The following PCDHA7 variants were observed in gnomAD, a reference collection of about 807,000 sequenced individuals.
The protein encoded by PCDHA7 is protocadherin alpha-7.
In PCDHA7, 37 loss-of-function variants were observed where a neutral mutation model predicts 57.2. The observed-to-expected ratio is 0.65, with a 90% CI of 0.50 to 0.85. The LOEUF (loss-of-function observed/expected upper bound fraction) is 0.85. PCDHA7 is among the 40% of genes least tolerant of loss of function. The pLI is 0.00. For synonymous variants in PCDHA7, 553 were observed against 558.8 expected, an observed-to-expected ratio of 0.99 and a Z score of 0.15; for missense variants, 1,188 against 1,241.8, an observed-to-expected ratio of 0.96 and a Z score of 0.65.
intron 1 of PCDHA7, among the ~76,000 whole-genome samples, chr5:140,971,388 C>A (rs1554233283): frequency 6.6e-6 from 1 of 152,132 alleles, no homozygotes; most frequent in Non-Finnish European, 1.5e-5. Flanking sequence ...TTAATAAAGG[C>A]AAATTTCTGC....
rs782531082 is a variant in PCDHA7 at position 140,877,160 on chromosome 5, C to T, written c.2355+40422C>T. The T allele has an allele frequency of 4.0e-5, 64 of 1,613,696 alleles. 1 individual carries two copies. In the Admixed American group the frequency reaches 1.0e-3, roughly 26 times the overall value. The stretch of plus-strand genomic sequence containing the variant: ...GTGCTGGACGAGAACGACAACGCGC[C>T]GGCACTGCTGGCGACTCCGGCTGGC... On this transcript the variant is annotated intron_variant, in intron 1 of 3. Transcript: ENST00000525929.
chr5:140,983,363 C>A (rs574253600), intron 3 of PCDHA7, among the ~76,000 whole-genome samples: 33 of 152,290 alleles, frequency 2.2e-4, no homozygotes, highest in African/African-American at 7.9e-4. Context: ...AGAAATATGG[C>A]TTTGGAGGCC....
intron 1 of PCDHA7, chr5:140,861,768 T>TATCA (rs1554155221): frequency 1.3e-5 from 2 of 158,832 alleles, no homozygotes; most frequent in African/African-American, 4.8e-5. Context: ...TCCCTGGAAA[T>TATCA]ACCAAGAGCA....
chr5:140,862,341 T>G, intron 1 of PCDHA7: 1 of 331,140 alleles, frequency 3.0e-6, no homozygotes, highest in Non-Finnish European at 6.0e-6. Flanking sequence ...GACCCTAACT[T>G]CAGTGCCAAG....
intron 1 of PCDHA7, chr5:140,850,585 A>G (rs1253890726): frequency 6.3e-7 from 1 of 1,598,426 alleles, no homozygotes. Flanking sequence ...GTGGATGTCA[A>G]CGTGTACCTG....
intron 1 of PCDHA7, among the ~76,000 whole-genome samples, chr5:140,922,964 GTGGCA>G (rs1293947003): frequency 6.6e-6 from 1 of 152,186 alleles, no homozygotes; most frequent in East Asian, 1.9e-4. Context: ...TCTTCAGCCA[GTGGCA>G]TATCTCAGAC....
chr5:140,996,135 C>T (rs2097713564), intron 3 of PCDHA7, among the ~76,000 whole-genome samples: 1 of 152,140 alleles, frequency 6.6e-6, no homozygotes, highest in Non-Finnish European at 1.5e-5. Flanking sequence ...AGAGGGTTCT[C>T]CCATTATCTT....
intron 1 of PCDHA7, among the ~76,000 whole-genome samples, chr5:140,949,539 A>G (rs971813092): frequency 6.6e-6 from 1 of 151,744 alleles, no homozygotes; most frequent in Admixed American, 6.6e-5. Context: ...TAAAATATCG[A>G]TTTGTTGCTG....
At chr5:140,967,844 G>A in intron 1 of PCDHA7, 1 of 1,614,178 alleles carries the variant, frequency 6.2e-7, no homozygotes, top group Non-Finnish European at 8.5e-7. Flanking sequence ...GGACGTGAAT[G>A]ACAATGCCCC....
intron 1 of PCDHA7, chr5:140,856,089 T>C: frequency 6.3e-7 from 1 of 1,596,782 alleles, no homozygotes; most frequent in Non-Finnish European, 8.6e-7. Flanking sequence ...CAGTGTCTGC[T>C]GCTCTCGCTT....
At chr5:140,876,637 C>G (rs1554168755) in intron 1 of PCDHA7, 1 of 1,614,088 alleles carries the variant, frequency 6.2e-7, no homozygotes, top group Non-Finnish European at 8.5e-7. Flanking sequence ...CATCTGCTCA[C>G]TGACACCTCA....
At chr5:140,878,516 G>A (rs2057626740) in intron 1 of PCDHA7, among the ~76,000 whole-genome samples, 1 of 152,122 alleles carries the variant, frequency 6.6e-6, no homozygotes. Context: ...CAGTACAGTT[G>A]GTAACCAACT....
intron 1 of PCDHA7, chr5:140,929,247 T>G (rs2085977234): frequency 1.9e-6 from 3 of 1,613,780 alleles, no homozygotes. Flanking sequence ...ATCTTGCCAC[T>G]GGGGTAGGAC....
At position 140,949,239 on chromosome 5, in the gene PCDHA7, C is replaced by T. The variant is rs563720988; in HGVS notation, c.2356-29710C>T. 4.0e-5 allele frequency among the ~76,000 whole-genome samples: 6 copies of T among 151,886 alleles called. No individual in the cohort carries two copies. The East Asian group carries it at 1.2e-3, about 29-fold the overall frequency. On this transcript the variant is annotated intron_variant, in intron 1 of 3. Transcript: ENST00000525929. ...TTAGACTTGTTCTGTGGCCCAGCAA[C>T]AGTCTATCTTGATGAACATATCACG...
At chr5:140,842,787 T>C (rs1554139371) in intron 1 of PCDHA7, 1 of 1,594,358 alleles carries the variant, frequency 6.3e-7, no homozygotes, top group Non-Finnish European at 8.6e-7. Context: ...GAGAACGCGC[T>C]GGTGTCCTAC....
chr5:140,857,359 G>A lies in PCDHA7; in HGVS notation c.2355+20621G>A, dbSNP rs200721411. The A allele has an allele frequency of 2.9e-5, 46 of 1,598,282 alleles. 7 individuals carry two copies. The highest frequency in any genetic ancestry group is 3.8e-5 in the Non-Finnish European group (44 of 1,167,900). ...GGGGCTCGCCTCCGCTGTGGGCCAC[G>A]GCCAGCGTGTCTGTGGAGGTGGCCG... On this transcript the variant is annotated intron_variant, in intron 1 of 3. Coordinates refer to ENST00000525929, the MANE Select transcript of PCDHA7 (RefSeq NM_018910.3).
In PCDHA7 at chr5:140,850,071, G is replaced by T. The variant is rs2150465789; in HGVS notation, c.2355+13333G>T. The T allele has an allele frequency of 1.4e-5, 22 of 1,596,556 alleles. 5 individuals carry two copies. The highest frequency in any genetic ancestry group is 1.6e-5 in the Non-Finnish European group (19 of 1,167,840). ...GTACGCGCTGCAGCCGTTGGACCAC[G>T]AGGAGCTGGAGCTGCTACAGTTCCA... On this transcript the variant is annotated intron_variant, in intron 1 of 3. Coordinates refer to ENST00000525929, the MANE Select transcript of PCDHA7 (RefSeq NM_018910.3).
chr5:140,843,243 A>G, intron 1 of PCDHA7: 2 of 1,595,128 alleles, frequency 1.3e-6, no homozygotes, highest in Non-Finnish European at 1.7e-6. Context: ...GACGAAGCGG[A>G]CTCTCCGCGC....
At chr5:140,886,690 G>T (rs1321168089) in intron 1 of PCDHA7, among the ~76,000 whole-genome samples, 3 of 151,964 alleles carry the variant, frequency 2.0e-5, no homozygotes, top group African/African-American at 7.2e-5. Flanking sequence ...GCGAGGCATG[G>T]TGGCACGCGC....
Sources: gnomAD v4.1 joint callset for allele counts (sites outside exome capture counted in the v4.1 genomes callset) on GRCh38, gnomAD v4.1.1 for gene constraint, MANE v1.5 for transcripts, NCBI Gene and HGNC (gene_info 2026-07-23, HGNC 2026-07-21) for gene names.